The following SYN3 variants were observed in gnomAD, a reference collection of about 807,000 sequenced individuals.
SYN3 encodes the protein synapsin-3.
In SYN3, 35 loss-of-function variants were observed where a neutral mutation model predicts 65.8. The observed-to-expected ratio is 0.53, with a 90% CI of 0.41 to 0.70. SYN3 has a LOEUF of 0.70. Ranked by LOEUF, SYN3 falls within the 30% of genes least tolerant of loss-of-function variation. SYN3 has a pLI of 0.00. For synonymous variants in SYN3, 270 were observed against 292.9 expected, an observed-to-expected ratio of 0.92 and a Z score of 0.80; for missense variants, 680 against 749.0, an observed-to-expected ratio of 0.91 and a Z score of 1.08.
At chr22:33,016,229 C>T (rs1472309766) in intron 1 of SYN3, among the ~76,000 whole-genome samples, 2 of 152,170 alleles carry the variant, frequency 1.3e-5, no homozygotes, top group Non-Finnish European at 2.9e-5. Flanking sequence ...ACATTAACAG[C>T]ACATATTCAA....
intron 6 of SYN3, among the ~76,000 whole-genome samples, chr22:32,625,041 C>G (rs1306074880): frequency 1.3e-5 from 2 of 152,190 alleles, no homozygotes; most frequent in African/African-American, 4.8e-5. Context: ...TTGCCCGCTG[C>G]CTTTCTATGC....
intron 6 of SYN3, among the ~76,000 whole-genome samples, chr22:32,719,722 C>T (rs1055893969): frequency 1.3e-5 from 2 of 152,128 alleles, no homozygotes; most frequent in Non-Finnish European, 2.9e-5. Flanking sequence ...GTGGCATGTT[C>T]CTGTAGTCCC....
At chr22:32,995,955 T>C (rs955866870) in intron 2 of SYN3, among the ~76,000 whole-genome samples, 2 of 152,192 alleles carry the variant, frequency 1.3e-5, no homozygotes, top group Admixed American at 6.5e-5. Context: ...CCGGCCTTTT[T>C]TTTTCCCCCT....
chr22:33,028,487 G>A (rs546689851), intron 1 of SYN3, among the ~76,000 whole-genome samples: 1 of 152,330 alleles, frequency 6.6e-6, no homozygotes, highest in African/African-American at 2.4e-5. Flanking sequence ...CCTGCAAAAG[G>A]CAGATCATCT....
intron 3 of SYN3, among the ~76,000 whole-genome samples, chr22:32,935,694 C>T (rs1211903703): frequency 1.3e-5 from 2 of 152,190 alleles, no homozygotes; most frequent in African/African-American, 4.8e-5. Context: ...CAGGGCGATC[C>T]ACCCGCCTCA....
chr22:32,925,746 C>G (rs1042559963), intron 4 of SYN3, among the ~76,000 whole-genome samples: 1 of 152,098 alleles, frequency 6.6e-6, no homozygotes, highest in South Asian at 2.1e-4. Context: ...ATACCTAAAT[C>G]CCACCCTCAG....
chr22:32,915,281 AAAAG>A (rs1232231275), intron 4 of SYN3, among the ~76,000 whole-genome samples: 1 of 152,220 alleles, frequency 6.6e-6, no homozygotes, highest in Non-Finnish European at 1.5e-5. Flanking sequence ...TAATAATAAA[AAAAG>A]AATTATTCAT....
chr22:32,867,508 C>T (rs1476427544), intron 5 of SYN3, among the ~76,000 whole-genome samples: 1 of 152,130 alleles, frequency 6.6e-6, no homozygotes, highest in Non-Finnish European at 1.5e-5. Flanking sequence ...ATAAATTTAT[C>T]ATTCTAGGTG....
At chr22:32,865,091 G>A (rs2048655520) in intron 5 of SYN3, 87 bp from the exon 6 acceptor site, 3 of 1,091,102 alleles carry the variant, frequency 2.7e-6, no homozygotes, top group Non-Finnish European at 4.2e-6. Flanking sequence ...TCAAGCATCT[G>A]ACTGTTCTGA....
At chr22:32,990,314 ATCCATCC>A (rs1601854013) in intron 2 of SYN3, among the ~76,000 whole-genome samples, 1 of 151,106 alleles carries the variant, frequency 6.6e-6, no homozygotes, top group East Asian at 2.0e-4. Flanking sequence ...CCATCCATCC[ATCCATCC>A]ATCCATCCAT....
At chr22:32,744,002 C>A (rs1042535920) in intron 6 of SYN3, among the ~76,000 whole-genome samples, 1 of 152,100 alleles carries the variant, frequency 6.6e-6, no homozygotes, top group Admixed American at 6.5e-5. Flanking sequence ...AGAGGTACCA[C>A]ACCAGCCGGG....
At chr22:32,968,240 T>C (rs2051907539) in intron 3 of SYN3, among the ~76,000 whole-genome samples, 1 of 152,212 alleles carries the variant, frequency 6.6e-6, no homozygotes, top group Non-Finnish European at 1.5e-5. Context: ...AGGAACACAG[T>C]GGCGAGGATG....
intron 6 of SYN3, among the ~76,000 whole-genome samples, chr22:32,670,647 T>C (rs2060348035): frequency 6.6e-6 from 1 of 152,220 alleles, no homozygotes; most frequent in Non-Finnish European, 1.5e-5. Context: ...CTTTCTTCAC[T>C]GTGTTGTGAG....
At chr22:32,714,406 C>T (rs565404197) in intron 6 of SYN3, among the ~76,000 whole-genome samples, 11 of 152,082 alleles carry the variant, frequency 7.2e-5, no homozygotes, top group Admixed American at 3.3e-4. Context: ...GGTTCTCAAC[C>T]CTGGCTGCAG....
intron 13 of SYN3, among the ~76,000 whole-genome samples, chr22:32,516,515 C>A (rs745416643): frequency 1.3e-5 from 2 of 152,072 alleles, no homozygotes; most frequent in African/African-American, 4.8e-5. Flanking sequence ...AGGCGTGCAC[C>A]AGCACGCCCA....
intron 6 of SYN3, among the ~76,000 whole-genome samples, chr22:32,616,707 G>A (rs1021756496): frequency 6.6e-6 from 1 of 152,168 alleles, no homozygotes; most frequent in African/African-American, 2.4e-5. Flanking sequence ...CAGCAGATCT[G>A]TAAGCAAATG....
intron 1 of SYN3, among the ~76,000 whole-genome samples, chr22:33,038,867 G>T (rs1475978792): frequency 1.3e-5 from 2 of 152,168 alleles, no homozygotes; most frequent in Non-Finnish European, 2.9e-5. Context: ...CTGGCCAAAG[G>T]ATCCCTGAGC....
Position 33,006,338 on chromosome 22 carries a change from A to G in SYN3, c.311+14T>C. The G allele has an allele frequency of 6.3e-7, 1 of 1,582,420 alleles. No individual in the cohort carries two copies. Among genetic ancestry groups the G allele is most frequent in the Non-Finnish European group, 8.6e-7 (1 of 1,161,234 alleles). Reference sequence around the variant, plus strand: ...TGCCCCAGAAGGTGGTAGCACTTGCAAATTCCTACTTACCAGTCTGTATGG... The same window carrying G: ...TGCCCCAGAAGGTGGTAGCACTTGCGAATTCCTACTTACCAGTCTGTATGG... On this transcript the variant is annotated intron_variant, in intron 2 of 13. Transcript: ENST00000358763.
At chr22:32,606,759 G>A (rs554066021) in intron 6 of SYN3, among the ~76,000 whole-genome samples, 183 of 151,798 alleles carry the variant, frequency 1.2e-3, no homozygotes, top group African/African-American at 4.1e-3. Flanking sequence ...TGCCTGCAGC[G>A]AAGTCCCTCT....
Sources: allele counts gnomAD v4.1 joint callset (sites outside exome capture counted in the v4.1 genomes callset), GRCh38; gene constraint gnomAD v4.1.1; transcripts MANE v1.5; gene names NCBI Gene and HGNC (gene_info 2026-07-23, HGNC 2026-07-21).